CADPS2: variants seen among roughly 807,000 people sequenced by gnomAD.
The protein encoded by CADPS2 is calcium-dependent secretion activator 2.
In CADPS2, 93 loss-of-function variants were observed where a neutral mutation model predicts 172.5. The ratio of observed to expected loss-of-function variants is 0.54; its 90% CI spans 0.46 to 0.64. CADPS2 has a LOEUF of 0.64. CADPS2 is among the 30% of genes least tolerant of loss of function. The pLI, the probability that CADPS2 is intolerant of heterozygous loss-of-function variation, is 0.00. For missense variants in CADPS2, 1,420 were observed against 1,565.9 expected (o/e 0.91, Z 1.57); for synonymous variants, 546 against 555.2 (o/e 0.98, Z 0.23).
Position 122,785,538 on chromosome 7 carries a change from C to T in CADPS2, c.340-48470G>A, listed in dbSNP as rs1793823833. Among the ~76,000 whole-genome samples, 4 of 152,256 alleles carry T rather than the reference C, an allele frequency of 2.6e-5. No individual in the cohort carries two copies. In the South Asian group the frequency reaches 8.3e-4, roughly 32 times the overall value. On this transcript the variant is annotated intron_variant, in intron 1 of 29. Transcript: ENST00000449022. Reference sequence around the variant, plus strand: ...AGAGCCCTAAAGGGTCTGAATCTTACTTGTGTGAGATGTGTAAAAACGAGA... The same window carrying T: ...AGAGCCCTAAAGGGTCTGAATCTTATTTGTGTGAGATGTGTAAAAACGAGA...
At chr7:122,327,660 T>A (rs1201011550) in intron 28 of CADPS2, among the ~76,000 whole-genome samples, 3 of 151,976 alleles carry the variant, frequency 2.0e-5, no homozygotes, top group Non-Finnish European at 4.4e-5. Flanking sequence ...TATAAAATGG[T>A]ACTTATAATT....
chr7:122,504,398 T>C (rs2059455739), intron 9 of CADPS2, among the ~76,000 whole-genome samples: 1 of 152,138 alleles, frequency 6.6e-6, no homozygotes, highest in Admixed American at 6.5e-5. Context: ...GGTGTTACTA[T>C]AACGCAGTAT....
At chr7:122,590,891 A>G (rs2070690200) in intron 6 of CADPS2, among the ~76,000 whole-genome samples, 2 of 151,840 alleles carry the variant, frequency 1.3e-5, no homozygotes, top group Admixed American at 1.3e-4. Context: ...CAAGTTTTAA[A>G]CTCCTTTTAT....
chr7:122,619,316 T>C (rs1199211851), intron 5 of CADPS2, among the ~76,000 whole-genome samples: 1 of 152,128 alleles, frequency 6.6e-6, no homozygotes, highest in Non-Finnish European at 1.5e-5. Flanking sequence ...CTACAAATTA[T>C]TTTTTTCATC....
At chr7:122,536,970 T>TACG in intron 8 of CADPS2, among the ~76,000 whole-genome samples, 1 of 151,978 alleles carries the variant, frequency 6.6e-6, no homozygotes. Context: ...AGATAAATGA[T>TACG]GAGAACACAT....
At chr7:122,398,175 A>C (rs1308489076) in intron 20 of CADPS2, among the ~76,000 whole-genome samples, 1 of 152,238 alleles carries the variant, frequency 6.6e-6, no homozygotes, top group Non-Finnish European at 1.5e-5. Context: ...TCATTTACAA[A>C]AGTACTTGTC....
intron 6 of CADPS2, among the ~76,000 whole-genome samples, chr7:122,610,898 G>A (rs539463755): frequency 1.3e-4 from 20 of 152,154 alleles, no homozygotes; most frequent in African/African-American, 4.1e-4. Context: ...CAATTCTCTC[G>A]GCCACTGGAG....
intron 2 of CADPS2, among the ~76,000 whole-genome samples, chr7:122,666,133 C>T (rs1403428855): frequency 6.6e-6 from 1 of 152,076 alleles, no homozygotes; most frequent in African/African-American, 2.4e-5. Context: ...ATTATATTCA[C>T]AAATATTAGA....
chr7:122,332,110 A>G (rs772456953), intron 28 of CADPS2: 13 of 152,212 alleles, frequency 8.5e-5, no homozygotes, highest in Non-Finnish European at 4.4e-5. Context: ...GGTTGAAGCA[A>G]TCCACATTTC....
intron 13 of CADPS2, 71 bp from the exon 14 acceptor site, chr7:122,471,633 C>T (rs2055958847): frequency 8.0e-7 from 1 of 1,256,948 alleles, no homozygotes; most frequent in Non-Finnish European, 1.1e-6. Context: ...CCTGAACGCA[C>T]TTTTAGGCCT....
chr7:122,612,087 T>C (rs1191600452), intron 6 of CADPS2, among the ~76,000 whole-genome samples: 1 of 151,940 alleles, frequency 6.6e-6, no homozygotes, highest in South Asian at 2.1e-4. Context: ...CTATTAAAAA[T>C]TCAGAGCTAA....
At chr7:122,631,231 G>T (rs2076546898) in intron 3 of CADPS2, among the ~76,000 whole-genome samples, 1 of 152,048 alleles carries the variant, frequency 6.6e-6, no homozygotes, top group Admixed American at 6.6e-5. Context: ...AAAGTTACTT[G>T]CATATAAAGA....
At chr7:122,698,852 CACTGA>C in intron 2 of CADPS2, 1 of 1,612,894 alleles carries the variant, frequency 6.2e-7, no homozygotes, top group Non-Finnish European at 8.5e-7. Flanking sequence ...AGCCAAAGAA[CACTGA>C]ACTTCATAAG....
chr7:122,384,094 G>A (rs1352286694), intron 24 of CADPS2, among the ~76,000 whole-genome samples: 1 of 152,064 alleles, frequency 6.6e-6, no homozygotes, highest in Non-Finnish European at 1.5e-5. Flanking sequence ...GTCCCTGAGG[G>A]ACTGGCCTGA....
intron 1 of CADPS2, among the ~76,000 whole-genome samples, chr7:122,771,229 A>T (rs2093695591): frequency 1.3e-5 from 2 of 152,214 alleles, no homozygotes. Flanking sequence ...ATACTTTATC[A>T]TATGAATGTT....
chr7:122,641,531 T>G (rs1237208953), intron 3 of CADPS2, among the ~76,000 whole-genome samples: 3 of 152,038 alleles, frequency 2.0e-5, no homozygotes, highest in Non-Finnish European at 4.4e-5. Flanking sequence ...CTCAAAAGGG[T>G]GATTAATTGA....
intron 6 of CADPS2, among the ~76,000 whole-genome samples, chr7:122,598,727 A>G (rs1399877955): frequency 2.6e-5 from 4 of 152,110 alleles, no homozygotes; most frequent in African/African-American, 9.7e-5. Context: ...TCTTATTAAT[A>G]CTTCATTAAT....
At chr7:122,346,339 G>A (rs954224607) in intron 27 of CADPS2, among the ~76,000 whole-genome samples, 1 of 152,176 alleles carries the variant, frequency 6.6e-6, no homozygotes, top group African/African-American at 2.4e-5. Context: ...CTGTACTCCA[G>A]CCTGGGCAAC....
intron 6 of CADPS2, among the ~76,000 whole-genome samples, chr7:122,582,605 A>G (rs1397433896): frequency 6.6e-6 from 1 of 152,058 alleles, no homozygotes; most frequent in Non-Finnish European, 1.5e-5. Flanking sequence ...ACAAAAATAG[A>G]TTCAGAACCA....
Sources: gnomAD v4.1 joint callset for allele counts (sites outside exome capture counted in the v4.1 genomes callset) on GRCh38, gnomAD v4.1.1 for gene constraint, MANE v1.5 for transcripts, NCBI Gene and HGNC (gene_info 2026-07-23, HGNC 2026-07-21) for gene names.